Variants in VSTM2B observed in about 807,000 individuals in gnomAD.
VSTM2B encodes the protein V-set and transmembrane domain containing 2B, also known as V-set and transmembrane domain-containing protein 2B.
In VSTM2B, 24 loss-of-function variants were observed where a neutral mutation model predicts 24.0. The ratio of observed to expected loss-of-function variants is 1.00; its 90% CI spans 0.72 to 1.40. The LOEUF (loss-of-function observed/expected upper bound fraction) is 1.40, where lower values mean the gene tolerates loss of function less well. VSTM2B is among the 40% of genes most tolerant of loss of function. VSTM2B has a pLI of 0.00. For synonymous variants in VSTM2B, 226 were observed against 194.4 expected (o/e 1.16, Z -1.35); for missense variants, 399 against 416.4 (o/e 0.96, Z 0.36).
Position 29,563,991 on chromosome 19 carries a change from G to A in VSTM2B, c.*57G>A, listed in dbSNP as rs543520569. Reference sequence around the variant, plus strand: ...CGCACATGACCTGCCCGGGGCCCTCGGTGAGGACCATGTCGCTGGATGGAC... The same window carrying A: ...CGCACATGACCTGCCCGGGGCCCTCAGTGAGGACCATGTCGCTGGATGGAC... On this transcript the variant is annotated 3_prime_UTR_variant, in exon 5 of 5. Coordinates refer to ENST00000335523, the MANE Select transcript of VSTM2B (RefSeq NM_001146339.2). 2.4e-5 allele frequency: 34 copies of A among 1,392,480 alleles called. No homozygotes were observed. Among genetic ancestry groups the A allele is most frequent in the East Asian group, 1.2e-4 (5 of 40,154 alleles). 86.3% of individuals were successfully genotyped at this position (1,392,480 alleles called of 1,614,324 possible).
chr19:29,529,222 G>T, intron 3 of VSTM2B: 1 of 813,384 alleles, frequency 1.2e-6, no homozygotes. Flanking sequence ...CGGGTTGGTA[G>T]CAGGTGGCCA....
chr19:29,536,082 A>G (rs778998220), intron 4 of VSTM2B, among the ~76,000 whole-genome samples: 5 of 152,206 alleles, frequency 3.3e-5, no homozygotes, highest in Non-Finnish European at 5.9e-5. Context: ...TTCATCCCTA[A>G]CAGCAGCAAT....
At chr19:29,554,852 C>T (rs1016379336) in intron 4 of VSTM2B, among the ~76,000 whole-genome samples, 9 of 152,148 alleles carry the variant, frequency 5.9e-5, no homozygotes, top group Non-Finnish European at 1.0e-4. Context: ...ATCCATTCAA[C>T]AAGAAGAGCT....
Position 29,530,121 on chromosome 19 carries a change from G to C in VSTM2B, c.600G>C (p.Lys200Asn). Reference sequence around the variant, plus strand: ...CCTCCGAGCCCGGCCGCGGCGACAAGAGCCCGCCGCCCGGGAGCCCTCCCG... The same window carrying C: ...CCTCCGAGCCCGGCCGCGGCGACAACAGCCCGCCGCCCGGGAGCCCTCCCG... ...RTTSEPGRGD[K>N]SPPPGSPPAA... Residue 200 changes from lysine to asparagine, a missense_variant, in exon 4 of 5, where the codon AAG becomes AAC. Coordinates refer to ENST00000335523, the MANE Select transcript of VSTM2B (RefSeq NM_001146339.2). The C allele has an allele frequency of 6.9e-7, 1 of 1,445,658 alleles. No individual in the cohort carries two copies. The highest frequency in any genetic ancestry group is 1.5e-5 in the African/African-American group (1 of 67,216). 89.6% of individuals were successfully genotyped at this position (1,445,658 alleles called of 1,614,324 possible).
intron 4 of VSTM2B, among the ~76,000 whole-genome samples, chr19:29,556,341 A>G (rs545692896): frequency 4.7e-4 from 71 of 152,366 alleles, no homozygotes; most frequent in Middle Eastern, 3.4e-3. Flanking sequence ...ACATCCCTTC[A>G]TGTCAAAAAC....
chr19:29,542,763 C>T lies in VSTM2B; in HGVS notation c.769+12473C>T, dbSNP rs932719086. 1.3e-4 allele frequency among the ~76,000 whole-genome samples: 20 copies of T among 152,186 alleles called. 1 individual carries two copies. Among genetic ancestry groups the T allele is most frequent in the African/African-American group, 4.8e-4 (20 of 41,506 alleles). On this transcript the variant is annotated intron_variant, in intron 4 of 4. Coordinates refer to ENST00000335523, the MANE Select transcript of VSTM2B (RefSeq NM_001146339.2). ...TGGAAAGATGGGTAGATTTGGGATA[C>T]AAGTTGAGGCTTGCAGGATGGGTGG...
At chr19:29,556,733 C>A (rs1253787040) in intron 4 of VSTM2B, among the ~76,000 whole-genome samples, 1 of 152,058 alleles carries the variant, frequency 6.6e-6, no homozygotes, top group African/African-American at 2.4e-5. Flanking sequence ...GATAGACAAG[C>A]AACAATAGAC....
chr19:29,529,583 C>G (rs978479837), intron 3 of VSTM2B, among the ~76,000 whole-genome samples: 4 of 152,230 alleles, frequency 2.6e-5, no homozygotes, highest in African/African-American at 9.6e-5. Context: ...GTTTGGTTAA[C>G]GTGATGGGGA....
At chr19:29,545,446 C>T (rs954380975) in intron 4 of VSTM2B, among the ~76,000 whole-genome samples, 1 of 152,140 alleles carries the variant, frequency 6.6e-6, no homozygotes, top group African/African-American at 2.4e-5. Flanking sequence ...AACCCCATCT[C>T]TACTAAAAAT....
At position 29,537,823 on chromosome 19, in the gene VSTM2B, A is replaced by AC. The variant is rs912632323; in HGVS notation, c.769+7534dup. ...CTTGCCAGAAGGGCCACTGAGAGGG[A>AC]CAGAGCACCCCCTAAAAGTCCCAGT... On this transcript the variant is annotated intron_variant, in intron 4 of 4. Coordinates refer to ENST00000335523, the MANE Select transcript of VSTM2B (RefSeq NM_001146339.2). 3.1e-4 allele frequency among the ~76,000 whole-genome samples: 45 copies of AC among 144,308 alleles called. 1 individual carries two copies. Among genetic ancestry groups the AC allele is most frequent in the African/African-American group, 1.2e-3 (45 of 37,456 alleles). The allele number at this position is 144,308 out of a possible 152,430, so 94.7% of individuals were successfully genotyped here.
chr19:29,544,799 T>A (rs1480446695), intron 4 of VSTM2B, among the ~76,000 whole-genome samples: 1 of 152,154 alleles, frequency 6.6e-6, no homozygotes, highest in Non-Finnish European at 1.5e-5. Flanking sequence ...AGGCCACCTT[T>A]GAAGGACCTG....
Position 29,526,796 on chromosome 19 carries a change from C to G in VSTM2B, c.82+131C>G. 1.2e-6 allele frequency: 1 copy of G among 852,016 alleles called. No individual in the cohort carries two copies. The highest frequency in any genetic ancestry group is 1.7e-6 in the Non-Finnish European group (1 of 571,958). The allele number at this position is 852,016 out of a possible 1,614,324, so 52.8% of individuals were successfully genotyped here. A position where few individuals can be genotyped will look rare whatever the true frequency, so the allele number is the denominator to read the frequency against. ...CAGCAATCCCGCTGTGCAGCCTGGG[C>G]CCGGAGGGGTAGGGAGAGGCGAGCG... On this transcript the variant is annotated intron_variant, in intron 1 of 4. Coordinates refer to ENST00000335523, the MANE Select transcript of VSTM2B (RefSeq NM_001146339.2). The surrounding 1 kb of genome is among the most constrained non-coding windows in gnomAD (Gnocchi z 4.1).
Position 29,526,661 on chromosome 19 carries a change from C to T in VSTM2B, c.78C>T (p.Ala26=), listed in dbSNP as rs1251169642. 1 of 1,528,348 alleles carries T rather than the reference C, an allele frequency of 6.5e-7. No individual in the cohort carries two copies. Among genetic ancestry groups the T allele is most frequent in the Non-Finnish European group, 8.8e-7 (1 of 1,142,850 alleles). The allele number at this position is 1,528,348 out of a possible 1,614,324, so 94.7% of individuals were successfully genotyped here. ...LLLHALLLFV[A]DAAFTEVPKD... ...TGCATGCCCTGCTGCTCTTCGTGGC[C>T]GACGGTGAGCGCGGGAACTTTGCTG... The change falls in exon 1 of 5, where the codon GCC becomes GCT. Residue 26 remains alanine, a synonymous_variant. Coordinates refer to ENST00000335523, the MANE Select transcript of VSTM2B (RefSeq NM_001146339.2). This position sits in a 1 kb window ranked among gnomAD's most constrained non-coding sequence, Gnocchi z 4.1.
chr19:29,556,102 A>AC (rs1283010241), intron 4 of VSTM2B, among the ~76,000 whole-genome samples: 1 of 151,236 alleles, frequency 6.6e-6, no homozygotes, highest in Non-Finnish European at 1.5e-5. Context: ...AGAGATACAA[A>AC]AAAAAAAAAA....
At chr19:29,536,114 T>A (rs1420920237) in intron 4 of VSTM2B, among the ~76,000 whole-genome samples, 1 of 152,208 alleles carries the variant, frequency 6.6e-6, no homozygotes. Context: ...ATCAGCGACA[T>A]GGCATCCTCT....
chr19:29,543,565 C>T (rs1970073825), intron 4 of VSTM2B, among the ~76,000 whole-genome samples: 1 of 152,240 alleles, frequency 6.6e-6, no homozygotes, highest in South Asian at 2.1e-4. Context: ...TGCACCATCC[C>T]TGCCCTTGCA....
At position 29,555,639 on chromosome 19, in the gene VSTM2B, T is replaced by A. The variant is rs184422071; in HGVS notation, c.770-8207T>A. Among the ~76,000 whole-genome samples, 1,234 of 148,744 alleles carry A rather than the reference T, an allele frequency of 8.3e-3. 12 individuals carry two copies. Among genetic ancestry groups the A allele is most frequent in the African/African-American group, 0.025 (968 of 38,972 alleles). On this transcript the variant is annotated intron_variant, in intron 4 of 4. Transcript: ENST00000335523. ...TCCAGGAGCTAGTTTTTTGAAAAAA[T>A]TAATAAAATAGTTAGACTGCCAGCT...
chr19:29,530,350 G>A (rs955661522), intron 4 of VSTM2B, 60 bp downstream of exon 4: 3 of 1,385,202 alleles, frequency 2.2e-6, no homozygotes, highest in Admixed American at 3.5e-5. Flanking sequence ...GGGCTGCGCC[G>A]GGACGCCCCG....
chr19:29,529,821 C>G lies in VSTM2B; in HGVS notation c.300C>G (p.Thr100=). The change falls in exon 4 of 5, where the codon ACC becomes ACG. Residue 100 remains threonine, a splice_region_variant and synonymous_variant. Transcript: ENST00000335523. ...CCTCTAACCCTGCTCTCTTGCAGAC[C>G]GTACGCGTCCAGGGCAATGACATCT... is the stretch of plus-strand genomic sequence containing the variant. ...VTNKDATKIS[T]VRVQGNDISH... is the part of the protein sequence containing the mutation. 6.5e-7 allele frequency: 1 copy of G among 1,549,140 alleles called. No individual in the cohort carries two copies. Among genetic ancestry groups the G allele is most frequent in the South Asian group, 1.2e-5 (1 of 83,684 alleles).
Sources: gnomAD v4.1 joint callset for allele counts (sites outside exome capture counted in the v4.1 genomes callset) on GRCh38, gnomAD v4.1.1 for gene constraint, Gnocchi (gnomAD v3.1) non-coding constraint, MANE v1.5 for transcripts, NCBI Gene and HGNC (gene_info 2026-07-23, HGNC 2026-07-21) for gene names.